ITFG1: variants seen among roughly 807,000 people sequenced by gnomAD.
ITFG1 encodes the protein T-cell immunomodulatory protein.
ITFG1 carries 34 observed loss-of-function variants against 81.8 expected under a neutral mutation model. The observed-to-expected ratio is 0.42, with a 90% CI of 0.32 to 0.55. ITFG1 has a LOEUF of 0.55. Among genes scored for constraint, ITFG1 ranks in the 20% least tolerant of loss-of-function variants. The pLI is 0.17. For synonymous variants in ITFG1, 285 were observed against 270.6 expected, an observed-to-expected ratio of 1.05 and a Z score of -0.52; for missense variants, 672 against 755.4, an observed-to-expected ratio of 0.89 and a Z score of 1.29.
intron 14 of ITFG1, among the ~76,000 whole-genome samples, chr16:47,166,640 G>T (rs942758233): frequency 2.6e-5 from 4 of 151,464 alleles, no homozygotes; most frequent in African/African-American, 9.7e-5. Context: ...TTCTAAAGTG[G>T]TATCTACACA....
At chr16:47,354,841 A>G (rs888834864) in intron 8 of ITFG1, among the ~76,000 whole-genome samples, 3 of 152,122 alleles carry the variant, frequency 2.0e-5, no homozygotes, top group Non-Finnish European at 4.4e-5. Flanking sequence ...TCACAACGAG[A>G]TATCTATCAC....
rs117635401 is a variant in ITFG1 at position 47,455,730 on chromosome 16, T to C, written c.282-1572A>G. Among the ~76,000 whole-genome samples the C allele has an allele frequency of 9.7e-3, 1,385 of 142,454 alleles. 13 individuals carry two copies. Among genetic ancestry groups the C allele is most frequent in the Non-Finnish European group, 0.015 (1,005 of 66,718 alleles). The allele number at this position is 142,454 out of a possible 152,430, so 93.5% of individuals were successfully genotyped here. On this transcript the variant is annotated intron_variant, in intron 2 of 17. Transcript: ENST00000320640. ...ATTGCAGTGAGCCAAGATTGGACCA[T>C]TGCACTCTATCTAGCCTGGGCAACA...
chr16:47,217,355 T>G (rs1456455308), intron 14 of ITFG1, among the ~76,000 whole-genome samples: 1 of 152,176 alleles, frequency 6.6e-6, no homozygotes, highest in East Asian at 1.9e-4. Flanking sequence ...TAGTTTTTGG[T>G]TTTGAGTATG....
chr16:47,324,209 A>G (rs1164239176), intron 8 of ITFG1, among the ~76,000 whole-genome samples: 1 of 152,098 alleles, frequency 6.6e-6, no homozygotes, highest in Non-Finnish European at 1.5e-5. Flanking sequence ...AGAATTTTCA[A>G]CCCAGAATTT....
chr16:47,419,137 TG>T (rs1968909329), intron 6 of ITFG1, among the ~76,000 whole-genome samples: 1 of 152,232 alleles, frequency 6.6e-6, no homozygotes, highest in African/African-American at 2.4e-5. Flanking sequence ...TTCTTGGATT[TG>T]GCTTGCTAAG....
rs921256004 is a variant in ITFG1, at chr16:47,365,669, A to G, written c.802+119T>C. The G allele has an allele frequency of 8.1e-6, 5 of 617,334 alleles. No individual in the cohort carries two copies. The Admixed American group carries it at 8.6e-5, about 11-fold the overall frequency. 38.2% of individuals were successfully genotyped at this position (617,334 alleles called of 1,614,324 possible). ...TGGAATAGGCATCTTTTGAAGCTATAATAGCTCTGAAGACCCTGGAGTTAT... is the reference window on the plus strand; with the variant it reads ...TGGAATAGGCATCTTTTGAAGCTATGATAGCTCTGAAGACCCTGGAGTTAT... On this transcript the variant is annotated intron_variant, in intron 8 of 17. Coordinates refer to ENST00000320640, the MANE Select transcript of ITFG1 (RefSeq NM_030790.5).
chr16:47,157,771 GAACA>G (rs1311092316), intron 17 of ITFG1, among the ~76,000 whole-genome samples: 1 of 152,064 alleles, frequency 6.6e-6, no homozygotes, highest in Non-Finnish European at 1.5e-5. Context: ...TATGTTAAAA[GAACA>G]AACACGGTAA....
In ITFG1 at chr16:47,238,006, G is replaced by C; in HGVS notation, c.1333C>G (p.Leu445Val). The C allele has an allele frequency of 6.8e-7, 1 of 1,466,304 alleles. No individual in the cohort carries two copies. Among genetic ancestry groups the C allele is most frequent in the Non-Finnish European group, 9.2e-7 (1 of 1,082,514 alleles). The allele number at this position is 1,466,304 out of a possible 1,614,324, so 90.8% of individuals were successfully genotyped here. ...CAGTCATTAGAACACAGACCACTAA[G>C]AACTGTGGAAAAATAAACAGGCAAT... is the stretch of plus-strand genomic sequence containing the variant. ...ADAYFVKVIV[L>V]SGLCSNDCPR... Residue 445 changes from leucine to valine, a missense_variant and splice_region_variant, in exon 13 of 18, where the codon CTT becomes GTT. By Grantham distance (32) the Leu-to-Val change is conservative. Transcript: ENST00000320640.
rs180877484 is a variant in ITFG1 at position 47,430,122 on chromosome 16, A to G, written c.561-1224T>C. 1.8e-3 allele frequency among the ~76,000 whole-genome samples: 261 copies of G among 141,112 alleles called. 1 individual carries two copies. Among genetic ancestry groups the G allele is most frequent in the Middle Eastern group, 7.6e-3 (2 of 262 alleles). 92.6% of individuals were successfully genotyped at this position (141,112 alleles called of 152,430 possible). On this transcript the variant is annotated intron_variant, in intron 5 of 17. Coordinates refer to ENST00000320640, the MANE Select transcript of ITFG1 (RefSeq NM_030790.5). ...ACCCAGGTTGTAGTGCAGTGGTGCG[A>G]TTTCCGCTCACTGCAACTTCCGCCT...
chr16:47,457,952 C>T (rs777061359), intron 2 of ITFG1, among the ~76,000 whole-genome samples: 5 of 152,160 alleles, frequency 3.3e-5, no homozygotes, highest in Non-Finnish European at 7.4e-5. Flanking sequence ...AGTTCTAGTT[C>T]AAGGCCATTT....
chr16:47,399,169 G>A (rs1968628151), intron 6 of ITFG1, among the ~76,000 whole-genome samples: 1 of 152,204 alleles, frequency 6.6e-6, no homozygotes, highest in African/African-American at 2.4e-5. Flanking sequence ...AAAGGCAAAT[G>A]GAGGGATTCT....
chr16:47,364,463 G>T (rs1968149760), intron 8 of ITFG1, among the ~76,000 whole-genome samples: 1 of 152,136 alleles, frequency 6.6e-6, no homozygotes, highest in African/African-American at 2.4e-5. Context: ...GCTTAAGGGG[G>T]TCAGAGAGAT....
intron 6 of ITFG1, among the ~76,000 whole-genome samples, chr16:47,383,477 C>T (rs531163339): frequency 6.6e-6 from 1 of 152,280 alleles, no homozygotes; most frequent in African/African-American, 2.4e-5. Context: ...CCACCTGTGC[C>T]TCATTATAGA....
chr16:47,256,123 C>T (rs1966136964), intron 12 of ITFG1, among the ~76,000 whole-genome samples: 1 of 151,876 alleles, frequency 6.6e-6, no homozygotes, highest in Non-Finnish European at 1.5e-5. Context: ...GTCACCACGC[C>T]CAACTAAATT....
At chr16:47,196,322 T>G (rs894286652) in intron 14 of ITFG1, 1 of 152,154 alleles carries the variant, frequency 6.6e-6, no homozygotes, top group Admixed American at 6.6e-5. Context: ...CTATTTCTTT[T>G]GCTCTGTTCT....
rs570637259 is a variant in ITFG1, at chr16:47,363,940, T to C, written c.802+1848A>G. Among the ~76,000 whole-genome samples the C allele has an allele frequency of 8.5e-5, 13 of 152,300 alleles. No homozygotes were observed. In the South Asian group the frequency reaches 2.7e-3, roughly 32 times the overall value. Reference sequence around the variant, plus strand: ...GCATGTGCACTCTTTATCAACTGAATGGTAAATTTCTTGAATCATGCTGAC... The same window carrying C: ...GCATGTGCACTCTTTATCAACTGAACGGTAAATTTCTTGAATCATGCTGAC... On this transcript the variant is annotated intron_variant, in intron 8 of 17. Transcript: ENST00000320640.
At chr16:47,228,217 A>G (rs1023417588) in intron 13 of ITFG1, among the ~76,000 whole-genome samples, 1 of 152,228 alleles carries the variant, frequency 6.6e-6, no homozygotes, top group Admixed American at 6.5e-5. Flanking sequence ...TTAAGGAGTG[A>G]GTAATATTTT....
At chr16:47,237,682 G>C (rs777508888) in intron 13 of ITFG1, among the ~76,000 whole-genome samples, 4 of 152,134 alleles carry the variant, frequency 2.6e-5, no homozygotes, top group Non-Finnish European at 5.9e-5. Flanking sequence ...ATCTAAACAA[G>C]TGTAATGAAA....
Position 47,436,205 on chromosome 16 carries a change from C to A in ITFG1, c.561-7307G>T, listed in dbSNP as rs577061218. ...TCCAAACAAAAAATTCATCTATGAA[C>A]TATCATATAAAATAAAGTTTGTATA... is the stretch of plus-strand genomic sequence containing the variant. On this transcript the variant is annotated intron_variant, in intron 5 of 17. Coordinates refer to ENST00000320640, the MANE Select transcript of ITFG1 (RefSeq NM_030790.5). Among the ~76,000 whole-genome samples the A allele has an allele frequency of 3.3e-5, 5 of 152,134 alleles. No individual in the cohort carries two copies. The South Asian group carries it at 1.0e-3, about 32-fold the overall frequency.
Sources: allele counts gnomAD v4.1 joint callset (sites outside exome capture counted in the v4.1 genomes callset), GRCh38; gene constraint gnomAD v4.1.1; transcripts MANE v1.5; gene names NCBI Gene and HGNC (gene_info 2026-07-23, HGNC 2026-07-21).